Variants in FAM135B observed in about 807,000 individuals in gnomAD.
The protein encoded by FAM135B is protein FAM135B.
Under a neutral mutation model 127.7 loss-of-function variants are expected in FAM135B, and 43 were observed. That is an observed-to-expected ratio of 0.34 (90% CI 0.26 to 0.43). FAM135B has a LOEUF of 0.43. Ranked by LOEUF, FAM135B falls within the 20% of genes least tolerant of loss-of-function variation. The probability of loss-of-function intolerance (pLI) is 1.00; values close to 1 mark genes in which losing one functional copy is unlikely to be tolerated. For missense variants in FAM135B, 1,558 were observed against 1,725.6 expected, an observed-to-expected ratio of 0.90 and a Z score of 1.72; for synonymous variants, 670 against 665.1, an observed-to-expected ratio of 1.01 and a Z score of -0.11.
At chr8:138,254,394 G>C (rs1821920835) in intron 5 of FAM135B, among the ~76,000 whole-genome samples, 1 of 152,202 alleles carries the variant, frequency 6.6e-6, no homozygotes, top group Non-Finnish European at 1.5e-5. Context: ...CTTGGAGTTA[G>C]CAGCAGGGTT....
At chr8:138,392,841 C>G (rs546041841) in intron 1 of FAM135B, among the ~76,000 whole-genome samples, 1 of 152,276 alleles carries the variant, frequency 6.6e-6, no homozygotes, top group Non-Finnish European at 1.5e-5. Context: ...CCACTCCAGC[C>G]TATGGGGAAG....
chr8:138,187,903 ACAATGG>A (rs1238241376), intron 9 of FAM135B, among the ~76,000 whole-genome samples: 3 of 152,198 alleles, frequency 2.0e-5, no homozygotes, highest in African/African-American at 7.2e-5. Flanking sequence ...GAGCTAATCA[ACAATGG>A]CCAATGATTT....
intron 3 of FAM135B, among the ~76,000 whole-genome samples, chr8:138,273,016 A>G (rs1472818683): frequency 1.3e-5 from 2 of 152,188 alleles, no homozygotes; most frequent in Non-Finnish European, 2.9e-5. Context: ...GTTTTACGAG[A>G]TGACCTATGA....
At chr8:138,481,496 C>T (rs553663277) in intron 1 of FAM135B, among the ~76,000 whole-genome samples, 4 of 152,316 alleles carry the variant, frequency 2.6e-5, no homozygotes, top group African/African-American at 7.2e-5. Context: ...TCTGAGCTAA[C>T]GCCAGTGGAG....
At chr8:138,209,635 T>G (rs574126972) in intron 7 of FAM135B, among the ~76,000 whole-genome samples, 3 of 152,136 alleles carry the variant, frequency 2.0e-5, no homozygotes, top group Non-Finnish European at 2.9e-5. Flanking sequence ...TAGCAACATA[T>G]TAGCTATGTC....
chr8:138,292,342 T>C (rs1345678822), intron 3 of FAM135B, among the ~76,000 whole-genome samples: 1 of 152,104 alleles, frequency 6.6e-6, no homozygotes, highest in East Asian at 1.9e-4. Context: ...GTCCATGCCA[T>C]TTAAAGCAAC....
Position 138,132,565 on chromosome 8 carries a change from T to C in FAM135B, c.*28A>G, listed in dbSNP as rs1816294848. 1 of 1,589,242 alleles carries C rather than the reference T, an allele frequency of 6.3e-7. No homozygotes were observed. The highest frequency in any genetic ancestry group is 8.6e-7 in the Non-Finnish European group (1 of 1,157,780). ...TAAAGCTCTCCACCGATCGTAAGCA[T>C]TACCAAAGACCTGCTCCCTCAAAGC... On this transcript the variant is annotated 3_prime_UTR_variant, in exon 20 of 20. Coordinates refer to ENST00000395297, the MANE Select transcript of FAM135B (RefSeq NM_015912.4). The surrounding 1 kb of genome is among the most constrained non-coding windows in gnomAD (Gnocchi z 4.5).
intron 1 of FAM135B, among the ~76,000 whole-genome samples, chr8:138,412,120 C>G (rs4909788): frequency 0.59 from 89,297 of 152,072 alleles, 28,370 homozygotes; most frequent in African/African-American, 0.83. Context: ...GATACTATGC[C>G]CGCTACCTGG....
intron 2 of FAM135B, among the ~76,000 whole-genome samples, chr8:138,356,584 G>T (rs536992991): frequency 5.3e-5 from 8 of 152,296 alleles, no homozygotes; most frequent in Admixed American, 3.3e-4. Context: ...CAATGATGGT[G>T]AAGTGATTTT....
chr8:138,422,006 A>G (rs1834538373), intron 1 of FAM135B, among the ~76,000 whole-genome samples: 1 of 152,016 alleles, frequency 6.6e-6, no homozygotes, highest in Non-Finnish European at 1.5e-5. Context: ...AGTCAACAAT[A>G]ACAAGCAATG....
At chr8:138,200,993 C>G (rs950500390) in intron 7 of FAM135B, among the ~76,000 whole-genome samples, 1 of 152,182 alleles carries the variant, frequency 6.6e-6, no homozygotes, top group African/African-American at 2.4e-5. Flanking sequence ...GCATGCCACA[C>G]CTGCCTCTGA....
At chr8:138,483,750 G>A (rs1330388848) in intron 1 of FAM135B, among the ~76,000 whole-genome samples, 1 of 152,188 alleles carries the variant, frequency 6.6e-6, no homozygotes, top group African/African-American at 2.4e-5. Flanking sequence ...CATTCCTGCA[G>A]TGACCCTATG....
intron 7 of FAM135B, among the ~76,000 whole-genome samples, chr8:138,225,503 A>G (rs1819355468): frequency 6.6e-6 from 1 of 152,110 alleles, no homozygotes; most frequent in Non-Finnish European, 1.5e-5. Context: ...GAAGAAAAAG[A>G]AAAAAACTTT....
intron 1 of FAM135B, among the ~76,000 whole-genome samples, chr8:138,471,013 G>A (rs1172502046): frequency 6.6e-6 from 1 of 152,178 alleles, no homozygotes; most frequent in Non-Finnish European, 1.5e-5. Context: ...GCACTGTGTG[G>A]GGCTGAGAGG....
Position 138,248,823 on chromosome 8 carries a change from C to CAA in FAM135B, c.542+2016_542+2017dup, listed in dbSNP as rs10639016. Among the ~76,000 whole-genome samples, 476 of 128,706 alleles carry CAA rather than the reference C, an allele frequency of 3.7e-3. 26 individuals are homozygous for CAA. In the East Asian group the frequency reaches 0.082, roughly 22 times the overall value. The allele number at this position is 128,706 out of a possible 152,430, so 84.4% of individuals were successfully genotyped here. A position where few individuals can be genotyped will look rare whatever the true frequency, so the allele number is the denominator to read the frequency against. The stretch of plus-strand genomic sequence containing the variant: ...TGACAGACAGAGTGAGACGCTGTCT[C>CAA]AAAAAAAAAAAAACAATAAAAGTAA... On this transcript the variant is annotated intron_variant, in intron 6 of 19. Transcript: ENST00000395297.
At chr8:138,190,975 C>T (rs559952721) in intron 9 of FAM135B, among the ~76,000 whole-genome samples, 2 of 152,162 alleles carry the variant, frequency 1.3e-5, no homozygotes, top group Non-Finnish European at 1.5e-5. Flanking sequence ...TGCAAAAAAC[C>T]AAGCTATAGC....
intron 2 of FAM135B, among the ~76,000 whole-genome samples, chr8:138,335,813 G>C (rs1299505391): frequency 6.6e-6 from 1 of 152,160 alleles, no homozygotes; most frequent in Non-Finnish European, 1.5e-5. Context: ...ACTCTTCTCA[G>C]CACCACACCA....
intron 1 of FAM135B, among the ~76,000 whole-genome samples, chr8:138,413,109 T>C (rs565484984): frequency 9.8e-5 from 15 of 152,336 alleles, no homozygotes; most frequent in African/African-American, 3.1e-4. Flanking sequence ...TTTGTTCTTA[T>C]AGCCTCTTTC....
chr8:138,258,865 G>A (rs1193324570), intron 4 of FAM135B, among the ~76,000 whole-genome samples: 1 of 148,096 alleles, frequency 6.8e-6, no homozygotes, highest in African/African-American at 2.5e-5. Flanking sequence ...CCTTTATTCT[G>A]CCTTATCTCA....
Sources: gnomAD v4.1 joint callset for allele counts (sites outside exome capture counted in the v4.1 genomes callset) on GRCh38, gnomAD v4.1.1 for gene constraint, Gnocchi (gnomAD v3.1) non-coding constraint, MANE v1.5 for transcripts, NCBI Gene and HGNC (gene_info 2026-07-23, HGNC 2026-07-21) for gene names.